The following LRP1B variants were observed in gnomAD, a reference collection of about 807,000 sequenced individuals.
The protein encoded by LRP1B is LDL receptor related protein 1B, also known as low-density lipoprotein receptor-related protein 1B.
In LRP1B, 217 loss-of-function variants were observed where a neutral mutation model predicts 556.6. The ratio of observed to expected loss-of-function variants is 0.39; its 90% CI spans 0.35 to 0.44. The LOEUF (loss-of-function observed/expected upper bound fraction) is 0.44, where lower values mean the gene tolerates loss of function less well. Among genes scored for constraint, LRP1B ranks in the 20% least tolerant of loss-of-function variants. The pLI, the probability that LRP1B is intolerant of heterozygous loss-of-function variation, is 1.00. For missense variants in LRP1B, 5,053 were observed against 5,620.8 expected (o/e 0.90, Z 3.23); for synonymous variants, 2,047 against 1,865.8 (o/e 1.10, Z -2.50).
At chr2:142,013,410 T>C (rs1165220058) in intron 1 of LRP1B, among the ~76,000 whole-genome samples, 1 of 152,164 alleles carries the variant, frequency 6.6e-6, no homozygotes, top group Non-Finnish European at 1.5e-5. Context: ...TGCTGACAGA[T>C]GAAAAATAAT....
intron 1 of LRP1B, among the ~76,000 whole-genome samples, chr2:141,823,774 T>G (rs1247686173): frequency 3.3e-5 from 5 of 152,162 alleles, no homozygotes; most frequent in Admixed American, 6.5e-5. Flanking sequence ...GCTCAAGCAA[T>G]CCTTCCGTGT....
intron 4 of LRP1B, among the ~76,000 whole-genome samples, chr2:141,251,925 CT>C (rs1329760692): frequency 3.9e-5 from 6 of 152,082 alleles, no homozygotes; most frequent in African/African-American, 1.4e-4. Flanking sequence ...TCATGTGATT[CT>C]ACAATCATAG....
intron 20 of LRP1B, among the ~76,000 whole-genome samples, chr2:140,923,941 C>A (rs1446859372): frequency 6.6e-6 from 1 of 151,918 alleles, no homozygotes; most frequent in African/African-American, 2.4e-5. Context: ...GACTAATCTG[C>A]AGCTTATTAA....
intron 2 of LRP1B, among the ~76,000 whole-genome samples, chr2:141,715,277 G>C (rs564841880): frequency 1.6e-4 from 24 of 152,070 alleles, no homozygotes; most frequent in Non-Finnish European, 3.1e-4. Flanking sequence ...ACACCAGCCT[G>C]GGCAATATAG....
At chr2:140,537,206 A>ATAT (rs34146951) in intron 45 of LRP1B, among the ~76,000 whole-genome samples, 70,900 of 145,910 alleles carry the variant, frequency 0.49, 17,563 homozygotes, top group South Asian at 0.59. Flanking sequence ...AGAATATATA[A>ATAT]TATAATATAT....
chr2:140,558,408 T>A (rs1458411061), intron 43 of LRP1B, among the ~76,000 whole-genome samples: 2 of 152,192 alleles, frequency 1.3e-5, no homozygotes, highest in Non-Finnish European at 2.9e-5. Context: ...AGAATATCAT[T>A]CATGGTTAAA....
chr2:141,823,826 G>A (rs568655394), intron 1 of LRP1B, among the ~76,000 whole-genome samples: 57 of 152,154 alleles, frequency 3.7e-4, no homozygotes, highest in African/African-American at 1.2e-3. Flanking sequence ...CCACCACCAT[G>A]TCAGGATATT....
At chr2:140,662,784 A>C (rs1235279192) in intron 41 of LRP1B, among the ~76,000 whole-genome samples, 1 of 152,200 alleles carries the variant, frequency 6.6e-6, no homozygotes, top group African/African-American at 2.4e-5. Context: ...TAAAATACAA[A>C]GTCTCAGAGG....
At chr2:140,456,362 C>A (rs2105321407) in intron 62 of LRP1B, 93 bp downstream of exon 62, 2 of 1,233,376 alleles carry the variant, frequency 1.6e-6, no homozygotes, top group Non-Finnish European at 2.2e-6. Flanking sequence ...ACCATCTCTA[C>A]AATGTATGGA....
intron 1 of LRP1B, among the ~76,000 whole-genome samples, chr2:141,842,390 C>T (rs1697506542): frequency 1.3e-5 from 2 of 151,878 alleles, no homozygotes; most frequent in South Asian, 4.1e-4. Flanking sequence ...TAATCTTAAC[C>T]TCTTTTCAAC....
chr2:141,971,184 T>C (rs894472585), intron 1 of LRP1B, among the ~76,000 whole-genome samples: 2 of 151,536 alleles, frequency 1.3e-5, no homozygotes, highest in Non-Finnish European at 3.0e-5. Flanking sequence ...CTGAGCTATG[T>C]TGTGATGTCC....
chr2:141,021,674 T>C (rs1366691333), intron 11 of LRP1B, among the ~76,000 whole-genome samples: 1 of 152,008 alleles, frequency 6.6e-6, no homozygotes, highest in Non-Finnish European at 1.5e-5. Context: ...TGGATAACCC[T>C]CTTATTTTTG....
intron 14 of LRP1B, among the ~76,000 whole-genome samples, chr2:141,010,275 C>T (rs1306085908): frequency 6.6e-6 from 1 of 151,856 alleles, no homozygotes; most frequent in African/African-American, 2.4e-5. Context: ...AATTGCTGCT[C>T]TTTATATGAG....
chr2:140,996,255 A>G (rs1697242243), intron 15 of LRP1B, among the ~76,000 whole-genome samples: 1 of 152,020 alleles, frequency 6.6e-6, no homozygotes, highest in African/African-American at 2.4e-5. Context: ...CAAGCCTTCC[A>G]GATGTAATCA....
At chr2:141,452,889 G>C (rs1681475869) in intron 3 of LRP1B, among the ~76,000 whole-genome samples, 1 of 152,078 alleles carries the variant, frequency 6.6e-6, no homozygotes, top group South Asian at 2.1e-4. Context: ...GGAGGTTATT[G>C]GATGACTATA....
rs536393433 is a variant in LRP1B at position 140,565,809 on chromosome 2, C to T, written c.7195-23838G>A. ...ACCTGGCCCTCACCACTTCATTCCT[C>T]TCCTGGGATGAGCTGGGAGTCAGGA... On this transcript the variant is annotated intron_variant, in intron 43 of 90. Coordinates refer to ENST00000389484, the MANE Select transcript of LRP1B (RefSeq NM_018557.3). 2.6e-5 allele frequency among the ~76,000 whole-genome samples: 4 copies of T among 152,288 alleles called. No homozygotes were observed. In the East Asian group the frequency reaches 7.8e-4, roughly 30 times the overall value.
At chr2:141,295,116 A>C (rs1207561399) in intron 3 of LRP1B, among the ~76,000 whole-genome samples, 1 of 152,104 alleles carries the variant, frequency 6.6e-6, no homozygotes, top group African/African-American at 2.4e-5. Context: ...AATGTTATTT[A>C]TATTTCTTGC....
chr2:141,534,842 T>C (rs1458689038), intron 2 of LRP1B, among the ~76,000 whole-genome samples: 1 of 152,156 alleles, frequency 6.6e-6, no homozygotes, highest in African/African-American at 2.4e-5. Context: ...GGCATGGGGC[T>C]GAGAAAGAAA....
intron 7 of LRP1B, among the ~76,000 whole-genome samples, chr2:141,088,518 C>A (rs956011215): frequency 2.0e-5 from 3 of 152,084 alleles, no homozygotes; most frequent in Non-Finnish European, 4.4e-5. Flanking sequence ...GTGGCTGTGG[C>A]AGCTAAAAAT....
Sources: gnomAD v4.1 joint callset for allele counts (sites outside exome capture counted in the v4.1 genomes callset) on GRCh38, gnomAD v4.1.1 for gene constraint, MANE v1.5 for transcripts, NCBI Gene and HGNC (gene_info 2026-07-23, HGNC 2026-07-21) for gene names.